FRMD6: variants seen among roughly 807,000 people sequenced by gnomAD.
FRMD6 encodes FERM domain-containing protein 6.
In FRMD6, 37 loss-of-function variants were observed where a neutral mutation model predicts 73.2. The ratio of observed to expected loss-of-function variants is 0.51; its 90% CI spans 0.39 to 0.66. FRMD6 has a LOEUF of 0.66. FRMD6 is among the 30% of genes least tolerant of loss of function. The pLI is 0.00. For missense variants in FRMD6, 714 were observed against 780.5 expected (o/e 0.91, Z 1.02); for synonymous variants, 273 against 282.2 (o/e 0.97, Z 0.33).
chr14:51,563,027 G>A (rs1411164720), intron 1 of FRMD6, among the ~76,000 whole-genome samples: 1 of 152,222 alleles, frequency 6.6e-6, no homozygotes, highest in Admixed American at 6.5e-5. Context: ...TGCCATGTCT[G>A]GCAGTTGATG....
chr14:51,496,513 T>A (rs746996989), intron 1 of FRMD6, among the ~76,000 whole-genome samples: 1 of 152,210 alleles, frequency 6.6e-6, no homozygotes, highest in Non-Finnish European at 1.5e-5. Flanking sequence ...TTCTGTGATT[T>A]TCTTATAGGC....
In FRMD6 at chr14:51,587,475, A is replaced by C. The variant is rs41324646; in HGVS notation, c.-147+17065A>C. On this transcript the variant is annotated intron_variant, in intron 2 of 14. Coordinates refer to the FRMD6 transcript ENST00000356218. ...GGTGCGAAATTGACCAACCCTAAATATTAGTATAGCTTAGTTAAACTTTCG... is the reference window on the plus strand; with the variant it reads ...GGTGCGAAATTGACCAACCCTAAATCTTAGTATAGCTTAGTTAAACTTTCG... Among the ~76,000 whole-genome samples the C allele has an allele frequency of 9.5e-3, 1,445 of 152,310 alleles. 27 individuals are homozygous for C. Among genetic ancestry groups the C allele is most frequent in the African/African-American group, 0.033 (1,386 of 41,560 alleles).
the FRMD6 span, chr14:51,436,067 A>G: frequency 2.0e-5 from 4 of 196,280 alleles, no homozygotes; most frequent in South Asian, 3.8e-4. Flanking sequence ...CTCCACTCCC[A>G]CCTCAAGTGA....
the FRMD6 span, among the ~76,000 whole-genome samples, chr14:51,453,749 C>T: frequency 6.6e-6 from 1 of 152,178 alleles, no homozygotes; most frequent in Non-Finnish European, 1.5e-5. Flanking sequence ...CCTGCTCAGA[C>T]TCCAAAACAG....
chr14:51,667,285 C>T (rs1893671975), intron 1 of FRMD6, among the ~76,000 whole-genome samples: 1 of 152,042 alleles, frequency 6.6e-6, no homozygotes, highest in Non-Finnish European at 1.5e-5. Flanking sequence ...TAGTAATCCC[C>T]CAACAGTTAC....
At chr14:51,719,061 C>T (rs1377168694) in intron 10 of FRMD6, among the ~76,000 whole-genome samples, 2 of 152,170 alleles carry the variant, frequency 1.3e-5, no homozygotes, top group African/African-American at 4.8e-5. Flanking sequence ...CCATTTTTAA[C>T]ATTGTTTTAT....
intron 10 of FRMD6, among the ~76,000 whole-genome samples, chr14:51,717,988 T>A (rs1187191941): frequency 1.3e-5 from 2 of 152,238 alleles, no homozygotes; most frequent in African/African-American, 4.8e-5. Context: ...AAGTAGCGTA[T>A]GAAAAACCTC....
chr14:51,701,706 CTG>C (rs1896334890), intron 4 of FRMD6, among the ~76,000 whole-genome samples: 1 of 150,866 alleles, frequency 6.6e-6, no homozygotes, highest in Non-Finnish European at 1.5e-5. Flanking sequence ...TCTGGATTAT[CTG>C]TTAAATAATG....
chr14:51,501,643 T>C lies in FRMD6; in HGVS notation c.-210+12223T>C, dbSNP rs150617264. Among the ~76,000 whole-genome samples the C allele has an allele frequency of 3.9e-3, 597 of 152,312 alleles. 1 individual carries two copies. Among genetic ancestry groups the C allele is most frequent in the African/African-American group, 0.013 (553 of 41,568 alleles). ...CTGATGGGCATTTAGGTTGATTCCATGCCTTTGCTACTGTGAATAGTACCA... is the reference window on the plus strand; with the variant it reads ...CTGATGGGCATTTAGGTTGATTCCACGCCTTTGCTACTGTGAATAGTACCA... On this transcript the variant is annotated intron_variant, in intron 1 of 14. Transcript: ENST00000356218.
the FRMD6 span, among the ~76,000 whole-genome samples, chr14:51,437,546 C>T: frequency 6.6e-6 from 1 of 152,210 alleles, no homozygotes; most frequent in African/African-American, 2.4e-5. Flanking sequence ...TTGTGATCCG[C>T]CCGCCTCGGC....
At chr14:51,674,903 C>G (rs960253350) in intron 1 of FRMD6, among the ~76,000 whole-genome samples, 2 of 152,072 alleles carry the variant, frequency 1.3e-5, no homozygotes, top group Non-Finnish European at 2.9e-5. Flanking sequence ...ATTTTGTTGA[C>G]TTCACACACC....
At chr14:51,406,213 T>A in the FRMD6 span, among the ~76,000 whole-genome samples, 877 of 152,310 alleles carry the variant, frequency 5.8e-3, 11 homozygotes, top group African/African-American at 0.02. Context: ...AGTACCATGA[T>A]GTTTTGGTTA....
chr14:51,662,782 A>G (rs1322391761), intron 1 of FRMD6, among the ~76,000 whole-genome samples: 1 of 152,258 alleles, frequency 6.6e-6, no homozygotes, highest in Non-Finnish European at 1.5e-5. Context: ...AACAAAGGCA[A>G]AAATGGACAA....
At chr14:51,443,655 G>T in the FRMD6 span, among the ~76,000 whole-genome samples, 1 of 152,152 alleles carries the variant, frequency 6.6e-6, no homozygotes, top group Non-Finnish European at 1.5e-5. Context: ...CGGGGTTTGT[G>T]CCATACTCTT....
At chr14:51,701,322 A>G (rs1896296340) in intron 4 of FRMD6, among the ~76,000 whole-genome samples, 163 bp downstream of exon 4, 1 of 143,710 alleles carries the variant, frequency 7.0e-6, no homozygotes. Flanking sequence ...GTATATATAT[A>G]TATACACTTT....
the FRMD6 span, among the ~76,000 whole-genome samples, chr14:51,420,145 A>G: frequency 0.013 from 1,969 of 152,334 alleles, 41 homozygotes; most frequent in African/African-American, 0.045. Flanking sequence ...CTTGTCACAG[A>G]TAAAGTAACA....
chr14:51,480,746 G>A, the FRMD6 span, among the ~76,000 whole-genome samples: 1 of 152,050 alleles, frequency 6.6e-6, no homozygotes, highest in East Asian at 1.9e-4. Context: ...AATAATAATA[G>A]CATCTACCTC....
chr14:51,547,988 T>C (rs1395683247), intron 1 of FRMD6: 4 of 152,074 alleles, frequency 2.6e-5, no homozygotes, highest in Admixed American at 6.6e-5. Flanking sequence ...TTTTGAAATA[T>C]ACAGAAATGT....
the FRMD6 span, among the ~76,000 whole-genome samples, chr14:51,463,183 A>T: frequency 4.6e-5 from 7 of 152,240 alleles, no homozygotes; most frequent in Non-Finnish European, 7.3e-5. Flanking sequence ...AATTTCACTC[A>T]GGTAGCCATT....
Sources: allele counts gnomAD v4.1 joint callset (sites outside exome capture counted in the v4.1 genomes callset), GRCh38; gene constraint gnomAD v4.1.1; transcripts MANE v1.5; gene names NCBI Gene and HGNC (gene_info 2026-07-23, HGNC 2026-07-21).